Variants in SUPV3L1 observed in about 807,000 individuals in gnomAD.
SUPV3L1 encodes ATP-dependent RNA helicase SUPV3L1, mitochondrial.
SUPV3L1 carries 35 observed loss-of-function variants against 70.0 expected under a neutral mutation model. The observed-to-expected ratio is 0.50, with a 90% confidence interval of 0.38 to 0.66. SUPV3L1 has a LOEUF of 0.66. Ranked by LOEUF, SUPV3L1 falls within the 30% of genes least tolerant of loss-of-function variation. SUPV3L1 has a pLI of 0.00. For missense variants in SUPV3L1, 777 were observed against 961.5 expected, an observed-to-expected ratio of 0.81 and a Z score of 2.54; for synonymous variants, 364 against 341.9, an observed-to-expected ratio of 1.06 and a Z score of -0.71.
intron 7 of SUPV3L1, 190 bp downstream of exon 7, chr10:69,195,455 GCTAAAA>G: frequency 2.5e-6 from 1 of 405,754 alleles, no homozygotes; most frequent in East Asian, 3.6e-5. Context: ...TTTTTCCTGT[GCTAAAA>G]CTAGCATAAC....
intron 6 of SUPV3L1, among the ~76,000 whole-genome samples, chr10:69,193,757 T>C (rs1842464123): frequency 6.6e-6 from 1 of 152,230 alleles, no homozygotes; most frequent in Non-Finnish European, 1.5e-5. Context: ...TAAAATTAGC[T>C]TTCTTTACTT....
chr10:69,191,896 T>TC, intron 6 of SUPV3L1, 130 bp downstream of exon 6: 1 of 581,840 alleles, frequency 1.7e-6, no homozygotes, highest in South Asian at 2.5e-5. Flanking sequence ...GACCTCTGCC[T>TC]CCCCAGTTCA....
chr10:69,196,966 T>A, intron 7 of SUPV3L1, 26 bp from the exon 8 acceptor site: 1 of 1,603,796 alleles, frequency 6.2e-7, no homozygotes, highest in Non-Finnish European at 8.5e-7. Context: ...TCTTTAAAAT[T>A]AAGAAACCCA....
At chr10:69,182,705 A>G in intron 1 of SUPV3L1, 1 of 984,696 alleles carries the variant, frequency 1.0e-6, no homozygotes, top group Non-Finnish European at 1.2e-6. Flanking sequence ...TGAATTTACT[A>G]GAATGATTTT....
At chr10:69,200,169 G>A (rs1589387416) in intron 10 of SUPV3L1, 111 bp from the exon 11 acceptor site, 5 of 824,098 alleles carry the variant, frequency 6.1e-6, no homozygotes, top group Non-Finnish European at 9.4e-6. Context: ...GTAAGTGGCA[G>A]TCAAGGTTGC....
Position 69,198,488 on chromosome 10 carries a change from T to C in SUPV3L1, c.1140T>C (p.Ser380=), listed in dbSNP as rs1358882632. 2.2e-5 allele frequency: 36 copies of C among 1,614,146 alleles called. No homozygotes were observed. The highest frequency in any genetic ancestry group is 3.1e-5 in the Non-Finnish European group (36 of 1,180,016). The change falls in exon 9 of 15, where the codon TCT becomes TCC. Residue 380 remains serine (S), a synonymous_variant. Coordinates refer to ENST00000359655, the MANE Select transcript of SUPV3L1 (RefSeq NM_003171.5). The part of the protein sequence containing the change: ...IVCFSKNDIY[S]VSRQIEIRGL... ...GTTTTAGCAAGAATGATATTTATTC[T>C]GTGAGTCGGCAGATTGAAATTCGGG...
At chr10:69,181,568 TATAAC>T (rs1454905375) in intron 1 of SUPV3L1, among the ~76,000 whole-genome samples, 6 of 152,334 alleles carry the variant, frequency 3.9e-5, no homozygotes, top group African/African-American at 1.4e-4. Flanking sequence ...TTTCTGCTGT[TATAAC>T]ATAATACCTG....
At chr10:69,204,251 C>T (rs1339006964) in intron 13 of SUPV3L1, among the ~76,000 whole-genome samples, 1 of 152,088 alleles carries the variant, frequency 6.6e-6, no homozygotes, top group African/African-American at 2.4e-5. Flanking sequence ...GTTCTCTCAC[C>T]TCCCGCCCTA....
In SUPV3L1 at chr10:69,207,850, A is replaced by G. The variant is rs934816984; in HGVS notation, c.1834A>G (p.Ile612Val). The stretch of plus-strand genomic sequence containing the variant: ...GACCTTTGCATGGTTACGCCGATAC[A>G]TCAAATGGCCTTTACTTCCACCTAA... ...PLTFAWLRRYIKWPLLPPKNI... is the reference protein window; with the variant it reads ...PLTFAWLRRYVKWPLLPPKNI... The change falls in exon 14 of 15, where the codon ATC becomes GTC. Residue 612 changes from isoleucine to valine, a missense_variant. Ile to Val is a conservative substitution (Grantham distance 29). Around this residue, in one of 2 missense-constraint regions of SUPV3L1, gnomAD observed 619 missense variants for 823.3 expected, o/e 0.75. Transcript: ENST00000359655. 10 of 1,614,010 alleles carry G rather than the reference A, an allele frequency of 6.2e-6. No homozygotes were observed. Among genetic ancestry groups the G allele is most frequent in the African/African-American group, 1.3e-5 (1 of 74,900 alleles).
At position 69,197,018 on chromosome 10, in the gene SUPV3L1, T is replaced by G; in HGVS notation, c.958T>G (p.Cys320Gly). 3.1e-6 allele frequency: 5 copies of G among 1,614,162 alleles called. No homozygotes were observed. The highest frequency in any genetic ancestry group is 4.2e-6 in the Non-Finnish European group (5 of 1,180,002). Residue 320 changes from cysteine to glycine, a missense_variant, in exon 8 of 15, where the codon TGT (cysteine) becomes GGT (glycine). By Grantham distance (159) the Cys-to-Gly change is radical (BLOSUM62 -3). This residue lies in a region of SUPV3L1 where 619 missense variants were observed against 823.3 expected (regional missense o/e 0.75). Transcript: ENST00000359655. ...ACTGTGTGCTGAAGAGGTTCATTTG[T>G]GTGGAGAACCTGCTGCTATTGACCT... ...LGLCAEEVHL[C>G]GEPAAIDLVM...
intron 14 of SUPV3L1, among the ~76,000 whole-genome samples, chr10:69,208,201 CA>C (rs1842885589): frequency 6.6e-6 from 1 of 152,162 alleles, no homozygotes; most frequent in African/African-American, 2.4e-5. Context: ...GTCCTTGGAC[CA>C]AAAGCATTGG....
At chr10:69,181,608 G>A (rs561980546) in intron 1 of SUPV3L1, among the ~76,000 whole-genome samples, 1 of 152,306 alleles carries the variant, frequency 6.6e-6, no homozygotes, top group East Asian at 1.9e-4. Context: ...ATAAACAATA[G>A]AGGTGTATTT....
intron 1 of SUPV3L1, chr10:69,182,779 T>A: frequency 1.4e-6 from 1 of 711,364 alleles, no homozygotes; most frequent in Non-Finnish European, 1.7e-6. Flanking sequence ...GCCATGTGGT[T>A]AAGGTGTCAG....
intron 1 of SUPV3L1, among the ~76,000 whole-genome samples, chr10:69,181,165 G>GTAGCACATTTAAGCACATAGTTCAC (rs1842046701): frequency 6.6e-6 from 1 of 152,192 alleles, no homozygotes; most frequent in Admixed American, 6.5e-5. Flanking sequence ...AAAAGAAGAG[G>GTAGCACATTTAAGCACATAGTTCAC]TAGCATCAGT....
chr10:69,206,993 C>T (rs1328861402), intron 13 of SUPV3L1, among the ~76,000 whole-genome samples: 2 of 151,892 alleles, frequency 1.3e-5, no homozygotes, highest in African/African-American at 2.4e-5. Context: ...GGTAACAGAG[C>T]GAGACTCCGT....
intron 2 of SUPV3L1, among the ~76,000 whole-genome samples, 158 bp downstream of exon 2, chr10:69,186,222 G>A (rs1842224726): frequency 1.3e-5 from 2 of 151,632 alleles, no homozygotes; most frequent in South Asian, 4.2e-4. Flanking sequence ...AGGCTCACCT[G>A]GTGAGCCATA....
intron 6 of SUPV3L1, chr10:69,192,346 T>G (rs1842421197): frequency 6.6e-6 from 1 of 152,370 alleles, no homozygotes; most frequent in South Asian, 2.1e-4. Flanking sequence ...CTCTCTCCTC[T>G]TTTGTTCTAA....
At chr10:69,183,005 C>T (rs1369186971) in intron 1 of SUPV3L1, among the ~76,000 whole-genome samples, 1 of 152,184 alleles carries the variant, frequency 6.6e-6, no homozygotes, top group African/African-American at 2.4e-5. Context: ...CTCTCTCCTT[C>T]ACCCTGGACC....
intron 5 of SUPV3L1, among the ~76,000 whole-genome samples, chr10:69,189,646 C>CTTTT (rs34718589): frequency 2.3e-4 from 29 of 125,052 alleles, no homozygotes; most frequent in Non-Finnish European, 2.9e-4. Flanking sequence ...GCTATCAATT[C>CTTTT]TTTTTTTTTT....
Sources: gnomAD v4.1 joint callset for allele counts (sites outside exome capture counted in the v4.1 genomes callset) on GRCh38, gnomAD v4.1.1 for gene constraint, gnomAD v4.1.1 regional missense constraint, MANE v1.5 for transcripts, NCBI Gene and HGNC (gene_info 2026-07-23, HGNC 2026-07-21) for gene names.